The following PHF21A variants were observed in gnomAD, a reference collection of about 807,000 sequenced individuals.
The protein encoded by PHF21A is PHD finger protein 21A, also known as BHC80a.
Under a neutral mutation model 82.5 loss-of-function variants are expected in PHF21A, and 11 were observed. The ratio of observed to expected loss-of-function variants is 0.13; its 90% CI spans 0.08 to 0.22. PHF21A has a LOEUF of 0.22. Among genes scored for constraint, PHF21A ranks in the 10% least tolerant of loss-of-function variants. The pLI, the probability that PHF21A is intolerant of heterozygous loss-of-function variation, is 1.00. For missense variants in PHF21A, 579 were observed against 837.8 expected, an observed-to-expected ratio of 0.69 and a Z score of 3.81; for synonymous variants, 297 against 302.8, an observed-to-expected ratio of 0.98 and a Z score of 0.20.
chr11:45,982,337 A>G (rs76768713), intron 6 of PHF21A, among the ~76,000 whole-genome samples: 2,753 of 152,218 alleles, frequency 0.018, 162 homozygotes, highest in Admixed American at 0.11. Flanking sequence ...TTTTGGGGGG[A>G]AAAATTCTGC....
chr11:46,001,218 T>C (rs568555988), intron 6 of PHF21A, among the ~76,000 whole-genome samples: 18 of 151,838 alleles, frequency 1.2e-4, no homozygotes, highest in African/African-American at 4.1e-4. Flanking sequence ...ATGGTTCTGG[T>C]AGAGAATCTG....
intron 6 of PHF21A, among the ~76,000 whole-genome samples, chr11:46,054,338 C>T (rs2096417352): frequency 6.6e-6 from 1 of 152,114 alleles, no homozygotes; most frequent in African/African-American, 2.4e-5. Context: ...AAACTAACAA[C>T]ATACAGATTT....
intron 6 of PHF21A, among the ~76,000 whole-genome samples, chr11:46,019,452 C>T (rs761992892): frequency 7.9e-5 from 12 of 152,288 alleles, no homozygotes; most frequent in Non-Finnish European, 1.6e-4. Context: ...CAGGTCCACA[C>T]AGCCCTAAGA....
chr11:45,985,711 T>C (rs188312612), intron 6 of PHF21A, among the ~76,000 whole-genome samples: 76 of 152,308 alleles, frequency 5.0e-4, no homozygotes, highest in Non-Finnish European at 9.6e-4. Context: ...ATAGTTTCTT[T>C]CCCTTTTTAA....
chr11:45,960,593 T>C (rs1430743104), intron 10 of PHF21A, among the ~76,000 whole-genome samples: 1 of 152,150 alleles, frequency 6.6e-6, no homozygotes, highest in East Asian at 1.9e-4. Flanking sequence ...GTAATGAAAA[T>C]GTTGTGTAAC....
intron 6 of PHF21A, among the ~76,000 whole-genome samples, chr11:46,034,242 C>T (rs781691014): frequency 2.2e-4 from 27 of 125,140 alleles, no homozygotes; most frequent in Non-Finnish European, 3.5e-4. Context: ...GCATACTTTT[C>T]CCTTGGGAGG....
intron 6 of PHF21A, among the ~76,000 whole-genome samples, chr11:46,024,150 C>T (rs71491887): frequency 0.02 from 3,021 of 152,316 alleles, 48 homozygotes; most frequent in Middle Eastern, 0.065. Context: ...GTTGGGCTAA[C>T]TGAGTTGCTG....
At chr11:46,002,198 T>C (rs2095153523) in intron 6 of PHF21A, among the ~76,000 whole-genome samples, 10 of 152,180 alleles carry the variant, frequency 6.6e-5, no homozygotes. Flanking sequence ...TAACATGATA[T>C]TCATTAGTGA....
intron 11 of PHF21A, among the ~76,000 whole-genome samples, chr11:45,952,627 A>C (rs1257169598): frequency 6.6e-6 from 1 of 152,250 alleles, no homozygotes; most frequent in Non-Finnish European, 1.5e-5. Flanking sequence ...AAAATTAAAA[A>C]TTCATTCATT....
intron 6 of PHF21A, among the ~76,000 whole-genome samples, chr11:45,987,251 A>ATGTATGTATGT (rs375980932): frequency 8.8e-4 from 131 of 148,562 alleles, no homozygotes; most frequent in Middle Eastern, 3.4e-3. Flanking sequence ...ATCATAAATA[A>ATGTATGTATGT]ATGTATGTAT....
chr11:45,948,764 C>G lies in PHF21A; in HGVS notation c.1288+122G>C, dbSNP rs531576161. ...CTCTCCCATTCTCAGAGAACAACAA[C>G]AAAACTATTTTCAAAGGATAGAGGA... On this transcript the variant is annotated intron_variant, in intron 14 of 18. Transcript: ENST00000676320. 1.4e-4 allele frequency: 108 copies of G among 769,302 alleles called. 1 individual carries two copies. The South Asian group carries it at 1.6e-3, about 11-fold the overall frequency. The allele number at this position is 769,302 out of a possible 1,614,324, so 47.7% of individuals were successfully genotyped here.
chr11:46,099,510 T>C (rs984315434), intron 1 of PHF21A, among the ~76,000 whole-genome samples: 30 of 119,786 alleles, frequency 2.5e-4, no homozygotes, highest in African/African-American at 7.8e-4. Flanking sequence ...CCTTTCAGGC[T>C]ATAGAAAAAT....
chr11:45,975,275 T>C (rs556049181), intron 7 of PHF21A, among the ~76,000 whole-genome samples: 18 of 150,730 alleles, frequency 1.2e-4, no homozygotes, highest in South Asian at 4.2e-4. Context: ...AATTGCACCA[T>C]TGCACTCCAG....
In PHF21A at chr11:46,108,181, G is replaced by GTCTCTT. The variant is rs1188663541; in HGVS notation, c.-237+12753_-237+12754insAAGAGA. On this transcript the variant is annotated intron_variant, in intron 1 of 18. Coordinates refer to ENST00000676320, the MANE Select transcript of PHF21A (RefSeq NM_001352027.3). ...TAACAACCAAGAAGAGAGATTACCA[G>GTCTCTT]TTTTTTTAAATGTTATTTGAAAACA... Among the ~76,000 whole-genome samples the GTCTCTT allele has an allele frequency of 3.3e-5, 5 of 152,164 alleles. No individual in the cohort carries two copies. In the East Asian group the frequency reaches 9.6e-4, roughly 29 times the overall value.
At chr11:45,975,377 T>TAAAATAAAATAAAACAAAACAAAAC (rs748967157) in intron 7 of PHF21A, among the ~76,000 whole-genome samples, 2 of 130,502 alleles carry the variant, frequency 1.5e-5, no homozygotes, top group African/African-American at 5.6e-5. Flanking sequence ...TAAAATAAAA[T>TAAAATAAAATAAAACAAAACAAAAC]AAAACAAAAC....
At chr11:46,096,355 T>C (rs1317793930) in intron 1 of PHF21A, among the ~76,000 whole-genome samples, 1 of 151,388 alleles carries the variant, frequency 6.6e-6, no homozygotes, top group Non-Finnish European at 1.5e-5. Flanking sequence ...CTCACGTTTA[T>C]AGCAAAACTC....
rs984525128 is a variant in PHF21A, at chr11:45,979,970, C to G, written c.154-4G>C. On this transcript the variant is annotated splice_polypyrimidine_tract_variant and splice_region_variant and intron_variant, in intron 6 of 18. Coordinates refer to ENST00000676320, the MANE Select transcript of PHF21A (RefSeq NM_001352027.3). Reference sequence around the variant, plus strand: ...GTAGCTGTTCAACTACTCTTTTCTACCAAATGAAGACAAAAAGAAATAAAA... The same window carrying G: ...GTAGCTGTTCAACTACTCTTTTCTAGCAAATGAAGACAAAAAGAAATAAAA... 6.2e-7 allele frequency: 1 copy of G among 1,613,956 alleles called. No individual in the cohort carries two copies. Among genetic ancestry groups the G allele is most frequent in the East Asian group, 2.2e-5 (1 of 44,896 alleles).
At chr11:45,988,375 C>T (rs980510851) in intron 6 of PHF21A, among the ~76,000 whole-genome samples, 1 of 152,146 alleles carries the variant, frequency 6.6e-6, no homozygotes, top group Non-Finnish European at 1.5e-5. Context: ...TATATCGTAG[C>T]AGGCAGTATA....
intron 18 of PHF21A, chr11:45,934,643 G>A (rs2088383733): frequency 1.2e-5 from 3 of 253,144 alleles, no homozygotes; most frequent in African/African-American, 4.5e-5. Flanking sequence ...CTTCAGGACT[G>A]GACTGAGCTC....
Sources: gnomAD v4.1 joint callset for allele counts (sites outside exome capture counted in the v4.1 genomes callset) on GRCh38, gnomAD v4.1.1 for gene constraint, MANE v1.5 for transcripts, NCBI Gene and HGNC (gene_info 2026-07-23, HGNC 2026-07-21) for gene names.